HS3ST4: variants seen among roughly 807,000 people sequenced by gnomAD.
HS3ST4 encodes heparan sulfate glucosamine 3-O-sulfotransferase 4.
HS3ST4 carries 17 observed loss-of-function variants against 29.2 expected under a neutral mutation model. The observed-to-expected ratio is 0.58, with a 90% CI of 0.40 to 0.87. The LOEUF (loss-of-function observed/expected upper bound fraction) is 0.87, where lower values mean the gene tolerates loss of function less well. Ranked by LOEUF, HS3ST4 falls within the 40% of genes least tolerant of loss-of-function variation. The probability of loss-of-function intolerance (pLI) is 0.00; values close to 1 mark genes in which losing one functional copy is unlikely to be tolerated. For synonymous variants in HS3ST4, 314 were observed against 285.7 expected (o/e 1.10, Z -1.00); for missense variants, 627 against 634.5 (o/e 0.99, Z 0.13).
intron 1 of HS3ST4, among the ~76,000 whole-genome samples, chr16:25,903,707 A>C (rs1968145902): frequency 6.6e-6 from 1 of 152,140 alleles, no homozygotes; most frequent in African/African-American, 2.4e-5. Flanking sequence ...TGCTTCCTGC[A>C]TGCTAGGCTT....
intron 1 of HS3ST4, among the ~76,000 whole-genome samples, chr16:26,016,325 A>AT (rs1472338397): frequency 6.6e-6 from 1 of 152,216 alleles, no homozygotes; most frequent in African/African-American, 2.4e-5. Context: ...ACTCATAGGT[A>AT]TAAAAGTGCT....
chr16:25,771,744 C>T (rs1229289312), intron 1 of HS3ST4, among the ~76,000 whole-genome samples: 1 of 152,148 alleles, frequency 6.6e-6, no homozygotes, highest in African/African-American at 2.4e-5. Flanking sequence ...CTCCTCAATA[C>T]CTAGTCCAAT....
intron 1 of HS3ST4, chr16:25,933,379 A>G (rs4303490): frequency 0.53 from 273,173 of 515,554 alleles, 75,497 homozygotes; most frequent in African/African-American, 0.7. Flanking sequence ...CATAATCTCA[A>G]ACAGAGGTGT....
chr16:25,944,550 A>G (rs1216850086), intron 1 of HS3ST4, among the ~76,000 whole-genome samples: 1 of 152,228 alleles, frequency 6.6e-6, no homozygotes, highest in Non-Finnish European at 1.5e-5. Context: ...GGACATTTAC[A>G]TTGATTTATT....
At chr16:25,959,407 C>T (rs932660862) in intron 1 of HS3ST4, among the ~76,000 whole-genome samples, 4 of 152,194 alleles carry the variant, frequency 2.6e-5, no homozygotes, top group African/African-American at 9.7e-5. Flanking sequence ...AGAGTGCAGC[C>T]TGATTAATGT....
intron 1 of HS3ST4, among the ~76,000 whole-genome samples, chr16:25,725,265 C>A (rs1233167270): frequency 3.3e-5 from 5 of 152,072 alleles, no homozygotes; most frequent in Admixed American, 1.3e-4. Flanking sequence ...TTTATTCTGT[C>A]ACCATTGACT....
At chr16:26,042,354 CTGTG>C (rs71732983) in intron 1 of HS3ST4, among the ~76,000 whole-genome samples, 34 of 148,510 alleles carry the variant, frequency 2.3e-4, no homozygotes, top group South Asian at 6.5e-4. Flanking sequence ...GCATTTATCT[CTGTG>C]TGTGTGTGTG....
Position 25,956,867 on chromosome 16 carries a change from G to T in HS3ST4, c.735-178745G>T, listed in dbSNP as rs150828665. ...CAAAAAATTAGCCAGGTTTGGTGGT[G>T]GGCGCATGTAATCTCAGCTACTTGG... On this transcript the variant is annotated intron_variant, in intron 1 of 1. Transcript: ENST00000331351. 5.0e-3 allele frequency among the ~76,000 whole-genome samples: 767 copies of T among 152,070 alleles called. 8 individuals are homozygous for T. The highest frequency in any genetic ancestry group is 0.017 in the African/African-American group (713 of 41,472).
intron 1 of HS3ST4, among the ~76,000 whole-genome samples, chr16:26,114,353 T>C (rs1228035320): frequency 6.6e-6 from 1 of 152,164 alleles, no homozygotes; most frequent in Non-Finnish European, 1.5e-5. Flanking sequence ...TCCACATTAA[T>C]ATTTTTCAAT....
At chr16:25,755,620 A>C (rs1454814335) in intron 1 of HS3ST4, among the ~76,000 whole-genome samples, 2 of 152,190 alleles carry the variant, frequency 1.3e-5, no homozygotes, top group Non-Finnish European at 2.9e-5. Flanking sequence ...CCTTGGCCCG[A>C]GGTTTTAAAA....
rs542916314 is a variant in HS3ST4, at chr16:25,978,764, T to A, written c.735-156848T>A. Among the ~76,000 whole-genome samples, 5 of 152,082 alleles carry A rather than the reference T, an allele frequency of 3.3e-5. No individual in the cohort carries two copies. In the South Asian group the frequency reaches 1.0e-3, roughly 32 times the overall value. ...GCTTGCATGGCTGACTTCCTATCGA[T>A]CAGAAACAGAAAATGCAGAGAAAGG... On this transcript the variant is annotated intron_variant, in intron 1 of 1. Transcript: ENST00000331351.
chr16:25,796,299 T>G (rs1966885546), intron 1 of HS3ST4, among the ~76,000 whole-genome samples: 1 of 152,170 alleles, frequency 6.6e-6, no homozygotes. Context: ...CCCTTTCTTT[T>G]GGGGGTTTGG....
intron 1 of HS3ST4, among the ~76,000 whole-genome samples, chr16:25,725,590 A>G (rs1567227696): frequency 1.3e-5 from 2 of 152,004 alleles, no homozygotes; most frequent in African/African-American, 2.4e-5. Flanking sequence ...ATATATATGC[A>G]CATATACTAA....
At chr16:25,714,153 C>T (rs1966436170) in intron 1 of HS3ST4, among the ~76,000 whole-genome samples, 2 of 152,108 alleles carry the variant, frequency 1.3e-5, no homozygotes, top group Admixed American at 6.5e-5. Context: ...CAAAAAAAAG[C>T]ACCCTTTATT....
intron 1 of HS3ST4, among the ~76,000 whole-genome samples, chr16:25,848,708 T>A (rs1485047587): frequency 6.6e-6 from 1 of 152,126 alleles, no homozygotes; most frequent in East Asian, 1.9e-4. Flanking sequence ...AGAGCTAGCT[T>A]TTAGTTTCAT....
chr16:25,761,896 G>A (rs1966790677), intron 1 of HS3ST4, among the ~76,000 whole-genome samples: 1 of 152,174 alleles, frequency 6.6e-6, no homozygotes, highest in Admixed American at 6.5e-5. Context: ...TTACAACAGG[G>A]GAAAGTGGGT....
chr16:25,820,028 A>G (rs924951848), intron 1 of HS3ST4, among the ~76,000 whole-genome samples: 14 of 105,842 alleles, frequency 1.3e-4, no homozygotes, highest in African/African-American at 3.3e-4. Context: ...AAAAAAAAAA[A>G]AAAAAAAAAA....
intron 1 of HS3ST4, among the ~76,000 whole-genome samples, chr16:25,802,927 ATGTGTGTGTGTGTG>A (rs71158967): frequency 1.4e-4 from 14 of 101,956 alleles, no homozygotes; most frequent in Non-Finnish European, 1.8e-4. Context: ...TAAGTTATAT[ATGTGTGTGTGTGTG>A]TGTGTGTGTG....
intron 1 of HS3ST4, among the ~76,000 whole-genome samples, chr16:25,789,421 TCC>T (rs1966863652): frequency 3.9e-5 from 2 of 51,132 alleles, no homozygotes; most frequent in Non-Finnish European, 3.8e-5. Flanking sequence ...CTTCCTTCCT[TCC>T]TTCCTTCCTT....
Sources: allele counts gnomAD v4.1 joint callset (sites outside exome capture counted in the v4.1 genomes callset), GRCh38; gene constraint gnomAD v4.1.1; transcripts MANE v1.5; gene names NCBI Gene and HGNC (gene_info 2026-07-23, HGNC 2026-07-21).